The following LCMT1 variants were observed in gnomAD, a reference collection of about 807,000 sequenced individuals.
LCMT1 encodes leucine carboxyl methyltransferase 1.
A neutral mutation model predicts 47.7 loss-of-function variants in LCMT1; 32 were observed. The observed-to-expected ratio is 0.67, with a 90% CI of 0.51 to 0.90. The LOEUF (loss-of-function observed/expected upper bound fraction) is 0.90, where lower values mean the gene tolerates loss of function less well. Ranked by LOEUF, LCMT1 falls within the 40% of genes least tolerant of loss-of-function variation. LCMT1 has a pLI of 0.00. For synonymous variants in LCMT1, 152 were observed against 149.7 expected (o/e 1.02, Z -0.11); for missense variants, 375 against 415.2 (o/e 0.90, Z 0.84).
chr16:25,163,520 A>G (rs909833038), intron 6 of LCMT1, among the ~76,000 whole-genome samples: 1 of 152,250 alleles, frequency 6.6e-6, no homozygotes, highest in Middle Eastern at 3.4e-3. Context: ...GTACACATAC[A>G]ATCATTCATT....
chr16:25,131,929 A>G (rs1003564413), intron 2 of LCMT1, among the ~76,000 whole-genome samples: 4 of 152,168 alleles, frequency 2.6e-5, no homozygotes, highest in Non-Finnish European at 5.9e-5. Flanking sequence ...AGACTAACCC[A>G]TTCAGGGTGG....
Position 25,170,794 on chromosome 16 carries a change from T to G in LCMT1, c.873T>G (p.Ala291=). The G allele has an allele frequency of 6.2e-7, 1 of 1,611,054 alleles. No homozygotes were observed. Among genetic ancestry groups the G allele is most frequent in the Non-Finnish European group, 8.5e-7 (1 of 1,177,806 alleles). The change falls in exon 9 of 11, where the codon GCT becomes GCG. Residue 291 remains alanine (A), a synonymous_variant. Transcript: ENST00000399069. ...AGTTGTACAACAGGTTACCTCGAGC[T>G]GAAGTGAGCAGGTATGGGGTTGGTG... is the stretch of plus-strand genomic sequence containing the variant. ...MMELYNRLPR[A]EVSRIESLEF...
chr16:25,153,913 G>A (rs934946194), intron 5 of LCMT1, among the ~76,000 whole-genome samples: 5 of 152,136 alleles, frequency 3.3e-5, no homozygotes, highest in African/African-American at 7.2e-5. Context: ...AGATCATGCC[G>A]CTGCACTCCA....
intron 4 of LCMT1, chr16:25,141,986 G>A (rs1317722801): frequency 6.6e-6 from 1 of 152,240 alleles, no homozygotes; most frequent in Non-Finnish European, 1.5e-5. Context: ...GTGATATTAT[G>A]AACTGTTATT....
At chr16:25,176,647 C>T (rs1189236270) in intron 10 of LCMT1, among the ~76,000 whole-genome samples, 6 of 143,712 alleles carry the variant, frequency 4.2e-5, no homozygotes, top group African/African-American at 7.8e-5. Flanking sequence ...CTGCAACCTC[C>T]GCCTCCTGGG....
intron 4 of LCMT1, chr16:25,144,378 C>T (rs1304582815): frequency 3.9e-5 from 6 of 152,278 alleles, no homozygotes; most frequent in Non-Finnish European, 5.9e-5. Context: ...AGGCTTACTA[C>T]TGCATGTCCT....
At chr16:25,128,081 C>T (rs1346651937) in intron 1 of LCMT1, among the ~76,000 whole-genome samples, 2 of 152,202 alleles carry the variant, frequency 1.3e-5, no homozygotes, top group Non-Finnish European at 2.9e-5. Context: ...AGTCTCCCTT[C>T]CTCTGGGCAC....
chr16:25,139,453 T>G (rs1233655745), intron 3 of LCMT1, among the ~76,000 whole-genome samples: 1 of 151,834 alleles, frequency 6.6e-6, no homozygotes, highest in Non-Finnish European at 1.5e-5. Context: ...GAGGTTGCAG[T>G]GAGCTGAGAT....
At chr16:25,120,883 G>A (rs535476878) in intron 1 of LCMT1, among the ~76,000 whole-genome samples, 2 of 150,496 alleles carry the variant, frequency 1.3e-5, no homozygotes, top group East Asian at 2.0e-4. Context: ...CGAGTAGCTG[G>A]GACTGTAGGA....
At chr16:25,129,325 A>C (rs112135703) in intron 2 of LCMT1, among the ~76,000 whole-genome samples, 10 of 152,276 alleles carry the variant, frequency 6.6e-5, no homozygotes, top group African/African-American at 2.4e-4. Flanking sequence ...CACAATATCT[A>C]CTTCCACATT....
intron 5 of LCMT1, chr16:25,158,682 C>T (rs1246860530): frequency 6.6e-6 from 1 of 152,232 alleles, no homozygotes; most frequent in African/African-American, 2.4e-5. Context: ...AAAACTCCTT[C>T]GAAACTTGCT....
At position 25,178,106 on chromosome 16, in the gene LCMT1, G is replaced by T; in HGVS notation, c.*83G>T. ...CCTGCAAGCTCCCTGAGCGGTGGGCGGGCCTCGTCCGCAGGTCTCATCCCA... is the reference window on the plus strand; with the variant it reads ...CCTGCAAGCTCCCTGAGCGGTGGGCTGGCCTCGTCCGCAGGTCTCATCCCA... On this transcript the variant is annotated 3_prime_UTR_variant, in exon 11 of 11. Coordinates refer to ENST00000399069, the MANE Select transcript of LCMT1 (RefSeq NM_016309.3). 1 of 1,362,548 alleles carries T rather than the reference G, an allele frequency of 7.3e-7. No homozygotes were observed. 84.4% of individuals were successfully genotyped at this position (1,362,548 alleles called of 1,614,324 possible). A position where few individuals can be genotyped will look rare whatever the true frequency, so the allele number is the denominator to read the frequency against.
chr16:25,143,303 A>G (rs1475846296), intron 4 of LCMT1: 3 of 152,006 alleles, frequency 2.0e-5, no homozygotes, highest in African/African-American at 7.3e-5. Context: ...TTAACCCAGG[A>G]CTCGTGCGTC....
rs1487465344 is a variant in LCMT1, at chr16:25,113,415, TA to T, written c.113+1422del. On this transcript the variant is annotated intron_variant, in intron 1 of 10. Transcript: ENST00000399069. The stretch of plus-strand genomic sequence containing the variant: ...TGAGCGTTGCCACTTACTGGCAGTA[TA>T]AAGTCGGGGAAATTACTAAACTTTT... 2.6e-5 allele frequency among the ~76,000 whole-genome samples: 4 copies of T among 152,334 alleles called. No individual in the cohort carries two copies. The South Asian group carries it at 8.3e-4, about 32-fold the overall frequency.
At chr16:25,161,758 CAT>C (rs1397745605) in intron 6 of LCMT1, among the ~76,000 whole-genome samples, 5 of 151,266 alleles carry the variant, frequency 3.3e-5, no homozygotes, top group Admixed American at 6.6e-5. Context: ...TGGATAGAAA[CAT>C]ATTTGTAACA....
chr16:25,154,096 G>A lies in LCMT1; in HGVS notation c.466+2481G>A, dbSNP rs113803482. Among the ~76,000 whole-genome samples the A allele has an allele frequency of 3.3e-3, 507 of 152,070 alleles. 2 individuals carry two copies. The highest frequency in any genetic ancestry group is 0.012 in the African/African-American group (488 of 41,534). Reference sequence around the variant, plus strand: ...TCAATCTCTGCTCACTGCAACCTCTGCCTCCTGGGTTCAAGCGATTCTCCT... The same window carrying A: ...TCAATCTCTGCTCACTGCAACCTCTACCTCCTGGGTTCAAGCGATTCTCCT... On this transcript the variant is annotated intron_variant, in intron 5 of 10. Coordinates refer to ENST00000399069, the MANE Select transcript of LCMT1 (RefSeq NM_016309.3).
chr16:25,174,931 C>A lies in LCMT1; in HGVS notation c.885-6C>A. 6.5e-7 allele frequency: 1 copy of A among 1,533,618 alleles called. No individual in the cohort carries two copies. Among genetic ancestry groups the A allele is most frequent in the Non-Finnish European group, 9.0e-7 (1 of 1,115,848 alleles). The stretch of plus-strand genomic sequence containing the variant: ...TTGCATCGTTCTATTTTAATTCTTT[C>A]CACAGGATAGAATCACTTGAATTCC... On this transcript the variant is annotated splice_region_variant and splice_polypyrimidine_tract_variant and intron_variant, in intron 9 of 10. Transcript: ENST00000399069.
At chr16:25,170,629 CTT>C in intron 8 of LCMT1, 83 bp from the exon 9 acceptor site, 2 of 1,099,834 alleles carry the variant, frequency 1.8e-6, no homozygotes, top group Non-Finnish European at 2.7e-6. Flanking sequence ...GACCTTGTCT[CTT>C]TAAAACAAAA....
chr16:25,145,904 T>C (rs1420493469), intron 4 of LCMT1: 1 of 152,418 alleles, frequency 6.6e-6, no homozygotes, highest in African/African-American at 2.4e-5. Flanking sequence ...TCTTTGGGTA[T>C]GTTTTGGGTC....
Sources: allele counts gnomAD v4.1 joint callset (sites outside exome capture counted in the v4.1 genomes callset), GRCh38; gene constraint gnomAD v4.1.1; transcripts MANE v1.5; gene names NCBI Gene and HGNC (gene_info 2026-07-23, HGNC 2026-07-21).